CHST10: variants seen among roughly 807,000 people sequenced by gnomAD.
CHST10 encodes carbohydrate sulfotransferase 10, also known as HNK-1 sulfotransferase.
CHST10 carries 24 observed loss-of-function variants against 34.7 expected under a neutral mutation model. That is an observed-to-expected ratio of 0.69 (90% CI 0.50 to 0.97). The LOEUF (loss-of-function observed/expected upper bound fraction) is 0.97. Among genes scored for constraint, CHST10 ranks in the 50% least tolerant of loss-of-function variants. CHST10 has a pLI of 0.00. For synonymous variants in CHST10, 161 were observed against 169.3 expected (o/e 0.95, Z 0.38); for missense variants, 402 against 452.1 (o/e 0.89, Z 1.00).
At chr2:100,398,244 G>A in intron 4 of CHST10, 102 bp from the exon 5 acceptor site, 1 of 796,158 alleles carries the variant, frequency 1.3e-6, no homozygotes, top group Admixed American at 2.5e-5. Context: ...CTTTCCATCT[G>A]GAGCCTTCTC....
rs550536193 is a variant in CHST10, at chr2:100,412,773, C to T, written c.-33+2268G>A. 9.2e-5 allele frequency among the ~76,000 whole-genome samples: 14 copies of T among 152,322 alleles called. No homozygotes were observed. The South Asian group carries it at 1.9e-3, about 20-fold the overall frequency. On this transcript the variant is annotated intron_variant, in intron 2 of 6. Coordinates refer to ENST00000264249, the MANE Select transcript of CHST10 (RefSeq NM_004854.5). ...GAGAGTCTATTGATGCTCTGAATTA[C>T]AAGTGTTCCAAATACACAGCTAAAA...
At position 100,397,906 on chromosome 2, in the gene CHST10, AC is replaced by A. The variant is rs1199504667; in HGVS notation, c.427+1del. The A allele has an allele frequency of 1.2e-6, 2 of 1,608,530 alleles. No individual in the cohort carries two copies. Among genetic ancestry groups the A allele is most frequent in the Admixed American group, 3.3e-5 (2 of 59,890 alleles). ...GTGGACATTCAGTAGACCCACACAC[AC>A]CATTTAGAACAATCAGCACTTTCTT... On this transcript the variant is annotated splice_donor_variant, in intron 5 of 6. Coordinates refer to ENST00000264249, the MANE Select transcript of CHST10 (RefSeq NM_004854.5). LOFTEE classifies it high-confidence loss of function.
chr2:100,409,926 T>C (rs1675753325), intron 2 of CHST10, among the ~76,000 whole-genome samples: 1 of 152,078 alleles, frequency 6.6e-6, no homozygotes, highest in Non-Finnish European at 1.5e-5. Context: ...GACTGCAGGG[T>C]TCCCACCTCC....
At chr2:100,410,872 A>T (rs977631168) in intron 2 of CHST10, among the ~76,000 whole-genome samples, 3 of 152,230 alleles carry the variant, frequency 2.0e-5, no homozygotes, top group Admixed American at 6.5e-5. Context: ...AGGCAAGCCA[A>T]TGACATAGAT....
Position 100,393,720 on chromosome 2 carries a change from A to C in CHST10, c.596T>G (p.Phe199Cys). 1.2e-6 allele frequency: 2 copies of C among 1,613,876 alleles called. No homozygotes were observed. The highest frequency in any genetic ancestry group is 8.5e-7 in the Non-Finnish European group (1 of 1,179,972). ...RDPFERLISA[F>C]KDKFVHNPRF... ...GGGATTGTGAACAAATTTATCCTTA[A>C]ATGCAGAAATAAGTCTTTCGAAGGG... Residue 199 changes from phenylalanine (F) to cysteine (C), a missense_variant, in exon 7 of 7, where the codon TTT becomes TGT. Coordinates refer to ENST00000264249, the MANE Select transcript of CHST10 (RefSeq NM_004854.5).
At chr2:100,404,431 G>C (rs1279785531) in intron 3 of CHST10, among the ~76,000 whole-genome samples, 1 of 152,180 alleles carries the variant, frequency 6.6e-6, no homozygotes, top group East Asian at 1.9e-4. Context: ...ATTAAGGACC[G>C]CTGCGGTGCT....
chr2:100,399,807 C>G (rs1464722626), intron 4 of CHST10, among the ~76,000 whole-genome samples: 2 of 152,156 alleles, frequency 1.3e-5, no homozygotes, highest in African/African-American at 4.8e-5. Context: ...GAAGAGCATC[C>G]TGGGGGCTAC....
chr2:100,401,791 T>C (rs374339896), intron 4 of CHST10, among the ~76,000 whole-genome samples: 14 of 152,294 alleles, frequency 9.2e-5, no homozygotes, highest in African/African-American at 2.9e-4. Flanking sequence ...TTTATTGAGT[T>C]CTAATTTATC....
chr2:100,413,102 C>T (rs370077676), intron 2 of CHST10, among the ~76,000 whole-genome samples: 7 of 152,212 alleles, frequency 4.6e-5, no homozygotes, highest in South Asian at 2.1e-4. Context: ...AAGAGGACTG[C>T]GGCCTGACAT....
At chr2:100,402,503 G>T in intron 4 of CHST10, 61 bp downstream of exon 4, 1 of 1,407,478 alleles carries the variant, frequency 7.1e-7, no homozygotes, top group Non-Finnish European at 1.0e-6. Flanking sequence ...GGGAAGGCCA[G>T]CTCCCCGCGA....
Position 100,393,144 on chromosome 2 carries a change from A to C in CHST10, c.*101T>G, listed in dbSNP as rs1674873015. The C allele has an allele frequency of 7.5e-7, 1 of 1,336,752 alleles. No homozygotes were observed. The highest frequency in any genetic ancestry group is 2.3e-5 in the East Asian group (1 of 43,202). 82.8% of individuals were successfully genotyped at this position (1,336,752 alleles called of 1,614,324 possible). On this transcript the variant is annotated 3_prime_UTR_variant, in exon 7 of 7. Coordinates refer to ENST00000264249, the MANE Select transcript of CHST10 (RefSeq NM_004854.5). ...CCTGTGGGAGACCCCGGGCGTCCTC[A>C]AAGGAGGGGTGTGGTGGAGGAAGGG...
intron 2 of CHST10, among the ~76,000 whole-genome samples, chr2:100,410,279 G>C (rs1675776728): frequency 6.6e-6 from 1 of 152,192 alleles, no homozygotes. Flanking sequence ...GGGCAGCAGA[G>C]GAAGAGTCAG....
At chr2:100,406,757 A>C (rs766929287) in intron 2 of CHST10, 50 bp from the exon 3 acceptor site, 7 of 1,576,682 alleles carry the variant, frequency 4.4e-6, no homozygotes, top group Non-Finnish European at 6.0e-6. Flanking sequence ...ACATCAAGTC[A>C]ACAAAGAGGA....
chr2:100,409,813 T>C (rs1017401641), intron 2 of CHST10, among the ~76,000 whole-genome samples: 3 of 152,176 alleles, frequency 2.0e-5, no homozygotes, highest in African/African-American at 7.2e-5. Context: ...GGTATTTCAT[T>C]TTCAAAAAAT....
intron 5 of CHST10, among the ~76,000 whole-genome samples, chr2:100,397,015 G>A (rs762092149): frequency 1.9e-4 from 29 of 152,222 alleles, no homozygotes; most frequent in Non-Finnish European, 2.8e-4. Context: ...CAACCCCTGC[G>A]AAGGCCAAAC....
intron 2 of CHST10, among the ~76,000 whole-genome samples, chr2:100,406,995 T>G (rs1675607394): frequency 6.6e-6 from 1 of 152,210 alleles, no homozygotes; most frequent in Non-Finnish European, 1.5e-5. Flanking sequence ...AAGACTCCTT[T>G]GCACATTTGA....
chr2:100,393,386 C>T lies in CHST10; in HGVS notation c.930G>A (p.Pro310=), dbSNP rs59148684. The change falls in exon 7 of 7, where the codon CCG becomes CCA. Residue 310 remains proline (P), a synonymous_variant. Transcript: ENST00000264249. ...DHLVSYPTIP[P]GITVYNRTKV... is the part of the protein sequence containing the mutation. The stretch of plus-strand genomic sequence containing the variant: ...TGGTTCTGTTATACACGGTAATGCC[C>T]GGAGGGATAGTCGGGTATGACACCA... 4.3e-3 allele frequency: 6,915 copies of T among 1,614,076 alleles called. 164 individuals are homozygous for T. The African/African-American group carries it at 0.064, about 15-fold the overall frequency.
intron 1 of CHST10, chr2:100,415,965 G>A (rs954561460): frequency 6.6e-6 from 1 of 152,196 alleles, no homozygotes. Context: ...AATACTGTAA[G>A]CATCTGTAAT....
intron 3 of CHST10, 103 bp downstream of exon 3, chr2:100,406,473 T>C: frequency 6.9e-7 from 1 of 1,454,072 alleles, no homozygotes; most frequent in Non-Finnish European, 9.4e-7. Flanking sequence ...GGCATGAAAG[T>C]CCTTTGACTC....
Sources: gnomAD v4.1 joint callset for allele counts (sites outside exome capture counted in the v4.1 genomes callset) on GRCh38, gnomAD v4.1.1 for gene constraint, MANE v1.5 for transcripts, NCBI Gene and HGNC (gene_info 2026-07-23, HGNC 2026-07-21) for gene names.